Variants in NOS1AP observed in about 807,000 individuals in gnomAD.
The protein encoded by NOS1AP is carboxyl-terminal PDZ ligand of neuronal nitric oxide synthase protein.
Under a neutral mutation model 56.2 loss-of-function variants are expected in NOS1AP, and 21 were observed. That is an observed-to-expected ratio of 0.37 (90% confidence interval 0.26 to 0.54). The LOEUF is 0.54. Among genes scored for constraint, NOS1AP ranks in the 20% least tolerant of loss-of-function variants. The pLI, the probability that NOS1AP is intolerant of heterozygous loss-of-function variation, is 0.84. For missense variants in NOS1AP, 522 were observed against 657.8 expected (o/e 0.79, Z 2.26); for synonymous variants, 270 against 274.6 (o/e 0.98, Z 0.17).
At chr1:162,159,941 G>A (rs1256525996) in intron 2 of NOS1AP, among the ~76,000 whole-genome samples, 6 of 152,090 alleles carry the variant, frequency 3.9e-5, no homozygotes, top group African/African-American at 1.4e-4. Flanking sequence ...CTTCATCTTT[G>A]GAACCCACTG....
rs547220782 is a variant in NOS1AP at position 162,091,800 on chromosome 1, G to A, written c.105+21518G>A. Reference sequence around the variant, plus strand: ...ACTTTACACAGCCCAGGAGCATGTGGAGTGCTGTGCAGTCTTGCTGTGTTC... The same window carrying A: ...ACTTTACACAGCCCAGGAGCATGTGAAGTGCTGTGCAGTCTTGCTGTGTTC... On this transcript the variant is annotated intron_variant, in intron 1 of 9. Transcript: ENST00000361897. 3.9e-5 allele frequency among the ~76,000 whole-genome samples: 6 copies of A among 152,320 alleles called. No homozygotes were observed. In the South Asian group the frequency reaches 1.0e-3, roughly 26 times the overall value.
intron 2 of NOS1AP, among the ~76,000 whole-genome samples, chr1:162,227,962 C>T (rs542417898): frequency 3.9e-5 from 6 of 152,116 alleles, no homozygotes; most frequent in Non-Finnish European, 7.4e-5. Flanking sequence ...AAGACAGGAG[C>T]GTTTCTCAAA....
intron 3 of NOS1AP, among the ~76,000 whole-genome samples, chr1:162,294,477 C>T (rs1655385720): frequency 6.6e-6 from 1 of 152,140 alleles, no homozygotes; most frequent in Admixed American, 6.6e-5. Context: ...GGTGCACCTC[C>T]CTGTGACTGG....
chr1:162,270,685 TAAG>T (rs1654557092), intron 2 of NOS1AP, among the ~76,000 whole-genome samples: 1 of 152,348 alleles, frequency 6.6e-6, no homozygotes, highest in East Asian at 1.9e-4. Flanking sequence ...AGACAGTGAA[TAAG>T]CCACTGTGCA....
rs776920540 is a variant in NOS1AP, at chr1:162,365,565, C to T, written c.1101C>T (p.Asn367=). 9.9e-6 allele frequency: 16 copies of T among 1,610,828 alleles called. No homozygotes were observed. The highest frequency in any genetic ancestry group is 4.5e-5 in the East Asian group (2 of 44,888). ...TGGAACTGAAGCTGTCAGGACAGAA[C>T]GCCAGTAAGCCAGTGCCCTGCCCAG... ...QELELKLSGQ[N]AMGSQDSLLE... Residue 367 remains asparagine, a synonymous_variant, in exon 9 of 10, where the codon AAC becomes AAT. Transcript: ENST00000361897.
intron 2 of NOS1AP, among the ~76,000 whole-genome samples, chr1:162,196,816 G>A (rs1416865194): frequency 2.0e-5 from 3 of 152,198 alleles, no homozygotes; most frequent in Admixed American, 6.5e-5. Flanking sequence ...AGACTGCCTG[G>A]CACTTGGCAG....
intron 2 of NOS1AP, among the ~76,000 whole-genome samples, chr1:162,251,636 G>C (rs1026372150): frequency 2.0e-5 from 3 of 150,362 alleles, no homozygotes; most frequent in Admixed American, 6.6e-5. Flanking sequence ...GTGTGTGTCT[G>C]TGTGTGTGTA....
chr1:162,288,369 A>T lies in NOS1AP; in HGVS notation c.270+933A>T, dbSNP rs560357370. ...CCAAATCTCAGTCACTCTTAATTCA[A>T]CTGGGACTTAAAGCAGACCTTGAAT... is the stretch of plus-strand genomic sequence containing the variant. On this transcript the variant is annotated intron_variant, in intron 3 of 9. Transcript: ENST00000361897. Among the ~76,000 whole-genome samples the T allele has an allele frequency of 3.9e-4, 60 of 152,332 alleles. 1 individual carries two copies. In the Middle Eastern group the frequency reaches 0.014, roughly 35 times the overall value.
chr1:162,204,512 G>T (rs187043854), intron 2 of NOS1AP, among the ~76,000 whole-genome samples: 3 of 152,178 alleles, frequency 2.0e-5, no homozygotes, highest in Non-Finnish European at 4.4e-5. Context: ...GCAGCGAATG[G>T]CCAGCCAGTG....
chr1:162,143,354 G>A (rs1045796316), intron 1 of NOS1AP, among the ~76,000 whole-genome samples: 2 of 152,112 alleles, frequency 1.3e-5, no homozygotes, highest in Admixed American at 6.5e-5. Flanking sequence ...AGAATTCAAG[G>A]AGGCTATTAT....
intron 1 of NOS1AP, among the ~76,000 whole-genome samples, chr1:162,138,113 A>G (rs961549408): frequency 6.6e-6 from 1 of 152,234 alleles, no homozygotes; most frequent in Non-Finnish European, 1.5e-5. Flanking sequence ...TGTAGCAGAT[A>G]TGCACAGTGT....
chr1:162,260,229 G>A (rs186651691), intron 2 of NOS1AP, among the ~76,000 whole-genome samples: 13 of 152,274 alleles, frequency 8.5e-5, no homozygotes, highest in Middle Eastern at 6.8e-3. Flanking sequence ...GGCCCATATG[G>A]AGTGAGTGTG....
chr1:162,361,992 A>C (rs1047761236), intron 8 of NOS1AP, among the ~76,000 whole-genome samples: 136 of 152,340 alleles, frequency 8.9e-4, no homozygotes, highest in Non-Finnish European at 1.7e-3. Flanking sequence ...CAACTGTCTC[A>C]GCCTCAAGCC....
chr1:162,351,307 T>C (rs1657486746), intron 6 of NOS1AP, among the ~76,000 whole-genome samples: 1 of 152,254 alleles, frequency 6.6e-6, no homozygotes, highest in Admixed American at 6.5e-5. Flanking sequence ...AGACTGAGCT[T>C]GTAACTCCTT....
chr1:162,287,217 C>T (rs927678751), intron 2 of NOS1AP, 127 bp from the exon 3 acceptor site: 2 of 693,910 alleles, frequency 2.9e-6, no homozygotes, highest in African/African-American at 3.6e-5. Context: ...GAGGTGCTCC[C>T]TGCCCCCAGG....
intron 5 of NOS1AP, among the ~76,000 whole-genome samples, chr1:162,333,476 G>T (rs2067647): frequency 1.3e-5 from 2 of 152,064 alleles, no homozygotes; most frequent in Non-Finnish European, 2.9e-5. Context: ...TGATTAGGGG[G>T]CTACAAAATA....
intron 1 of NOS1AP, among the ~76,000 whole-genome samples, chr1:162,112,030 T>C (rs1647729950): frequency 6.6e-6 from 1 of 152,248 alleles, no homozygotes; most frequent in Non-Finnish European, 1.5e-5. Context: ...TCCTTCGTGC[T>C]CCGACTCTTC....
chr1:162,358,310 T>G (rs1657768304), intron 8 of NOS1AP, among the ~76,000 whole-genome samples: 1 of 152,142 alleles, frequency 6.6e-6, no homozygotes, highest in Admixed American at 6.5e-5. Flanking sequence ...TGACTCAGGG[T>G]TTGAAGAAGA....
intron 4 of NOS1AP, among the ~76,000 whole-genome samples, chr1:162,328,038 C>G (rs1407398383): frequency 6.6e-6 from 1 of 152,128 alleles, no homozygotes; most frequent in African/African-American, 2.4e-5. Flanking sequence ...TTGCCTCAGG[C>G]CAGCAGCTAG....
Sources: allele counts gnomAD v4.1 joint callset (sites outside exome capture counted in the v4.1 genomes callset), GRCh38; gene constraint gnomAD v4.1.1; transcripts MANE v1.5; gene names NCBI Gene and HGNC (gene_info 2026-07-23, HGNC 2026-07-21).